Variants in CASZ1 observed in about 807,000 individuals in gnomAD.
CASZ1 encodes zinc finger protein castor homolog 1.
CASZ1 carries 28 observed loss-of-function variants against 135.2 expected under a neutral mutation model. The observed-to-expected ratio is 0.21, with a 90% CI of 0.15 to 0.28. The LOEUF (loss-of-function observed/expected upper bound fraction) is 0.28, where lower values mean the gene tolerates loss of function less well. Among genes scored for constraint, CASZ1 ranks in the 10% least tolerant of loss-of-function variants. The probability of loss-of-function intolerance (pLI) is 1.00; values close to 1 mark genes in which losing one functional copy is unlikely to be tolerated. For synonymous variants in CASZ1, 1,068 were observed against 1,073.4 expected, an observed-to-expected ratio of 0.99 and a Z score of 0.10; for missense variants, 2,161 against 2,453.3, an observed-to-expected ratio of 0.88 and a Z score of 2.52.
intron 1 of CASZ1, among the ~76,000 whole-genome samples, chr1:10,775,180 C>T (rs1274282328): frequency 6.6e-6 from 1 of 152,194 alleles, no homozygotes; most frequent in Admixed American, 6.5e-5. Context: ...GCCCCCAGTG[C>T]ATCGCTTTGG....
chr1:10,736,688 G>A (rs886092699), intron 2 of CASZ1, among the ~76,000 whole-genome samples: 2 of 152,160 alleles, frequency 1.3e-5, no homozygotes, highest in Admixed American at 6.5e-5. Flanking sequence ...AGGATGTGTC[G>A]GGCACCATGC....
chr1:10,729,974 C>A (rs111988841), intron 2 of CASZ1, among the ~76,000 whole-genome samples: 7 of 152,176 alleles, frequency 4.6e-5, no homozygotes, highest in African/African-American at 1.4e-4. Context: ...GCCACCACAA[C>A]TGGCTAATTT....
chr1:10,769,745 G>A (rs1018056763), intron 1 of CASZ1, among the ~76,000 whole-genome samples: 7 of 152,206 alleles, frequency 4.6e-5, no homozygotes, highest in African/African-American at 1.7e-4. Context: ...TCAAACTCCT[G>A]ACCTCAAGTG....
chr1:10,745,385 G>A (rs768757840), intron 2 of CASZ1, among the ~76,000 whole-genome samples: 3 of 121,488 alleles, frequency 2.5e-5, no homozygotes, highest in Non-Finnish European at 4.9e-5. Context: ...GTAAGCCACA[G>A]TACCAGGGAC....
At position 10,747,973 on chromosome 1, in the gene CASZ1, C is replaced by G. The variant is rs570277596; in HGVS notation, c.-77+12728G>C. 6.6e-6 allele frequency among the ~76,000 whole-genome samples: 1 copy of G among 152,310 alleles called. No homozygotes were observed. Among genetic ancestry groups the G allele is most frequent in the South Asian group, 2.1e-4 (1 of 4,820 alleles). ...CTGGGACTAGAGGCACCCGCCACCACGCCCGGCTAAGTTTTTTGTATTTTT... is the reference window on the plus strand; with the variant it reads ...CTGGGACTAGAGGCACCCGCCACCAGGCCCGGCTAAGTTTTTTGTATTTTT... On this transcript the variant is annotated intron_variant, in intron 2 of 20. Coordinates refer to ENST00000377022, the MANE Select transcript of CASZ1 (RefSeq NM_001079843.3). The surrounding 1 kb of genome is among the most constrained non-coding windows in gnomAD (Gnocchi z 4.3).
At chr1:10,783,882 A>AC (rs1161188743) in intron 1 of CASZ1, among the ~76,000 whole-genome samples, 8 of 151,360 alleles carry the variant, frequency 5.3e-5, no homozygotes, top group South Asian at 2.1e-4. Flanking sequence ...AAAAAAAAAA[A>AC]AAAAAAAAAA....
Position 10,647,507 on chromosome 1 carries a change from C to T in CASZ1, c.3497+294G>A. 7.6e-7 allele frequency: 1 copy of T among 1,308,820 alleles called. No individual in the cohort carries two copies. Among genetic ancestry groups the T allele is most frequent in the Admixed American group, 3.4e-5 (1 of 29,612 alleles). 81.1% of individuals were successfully genotyped at this position (1,308,820 alleles called of 1,614,324 possible). On this transcript the variant is annotated intron_variant, in intron 16 of 20. Transcript: ENST00000377022. The surrounding 1 kb of genome is among the most constrained non-coding windows in gnomAD (Gnocchi z 4.9). ...AGGCTGGGAGTTGTCCTCTGAGGAC[C>T]ACCACGCCCAGTCCACCCCACCTGG...
intron 20 of CASZ1, chr1:10,641,984 G>T (rs2124666384): frequency 6.6e-6 from 1 of 152,638 alleles, no homozygotes; most frequent in Admixed American, 6.5e-5. Flanking sequence ...AGGGTGGGTT[G>T]GGGTGATGGA....
chr1:10,730,714 T>C (rs936145221), intron 2 of CASZ1, among the ~76,000 whole-genome samples: 1 of 152,238 alleles, frequency 6.6e-6, no homozygotes, highest in Non-Finnish European at 1.5e-5. Context: ...ATCAGACTTT[T>C]GGAAAACTTA....
chr1:10,680,552 C>T lies in CASZ1; in HGVS notation c.16+13322G>A, dbSNP rs532098378. On this transcript the variant is annotated intron_variant, in intron 4 of 20. Coordinates refer to ENST00000377022, the MANE Select transcript of CASZ1 (RefSeq NM_001079843.3). ...GGGTCTCAGGGGGTGCAGTGTTGCA[C>T]GCTCCAGCATTACTGTGTCACACTC... 3.3e-5 allele frequency among the ~76,000 whole-genome samples: 5 copies of T among 152,268 alleles called. No homozygotes were observed. In the South Asian group the frequency reaches 8.3e-4, roughly 25 times the overall value.
chr1:10,656,066 A>G (rs899489278), intron 8 of CASZ1, among the ~76,000 whole-genome samples: 4 of 152,222 alleles, frequency 2.6e-5, no homozygotes, highest in Non-Finnish European at 4.4e-5. Flanking sequence ...CATCCCCAGG[A>G]GCACAGATGA....
intron 6 of CASZ1, 129 bp downstream of exon 6, chr1:10,659,573 G>A (rs1242244099): frequency 1.4e-6 from 1 of 711,316 alleles, no homozygotes; most frequent in Non-Finnish European, 2.5e-6. Context: ...GCGCCTGGAT[G>A]CACAGTGGAT....
intron 12 of CASZ1, 48 bp from the exon 13 acceptor site, chr1:10,650,803 G>C: frequency 6.2e-7 from 1 of 1,604,332 alleles, no homozygotes; most frequent in Non-Finnish European, 8.5e-7. Flanking sequence ...CCGGGGCCTG[G>C]GCCCTGGGGC....
intron 17 of CASZ1, 92 bp from the exon 18 acceptor site, chr1:10,645,180 C>T: frequency 9.2e-7 from 1 of 1,083,526 alleles, no homozygotes; most frequent in Non-Finnish European, 1.4e-6. Context: ...GCCCTTGGCA[C>T]ATGTGTTCTT....
At chr1:10,754,745 G>A (rs926789301) in intron 2 of CASZ1, among the ~76,000 whole-genome samples, 5 of 152,298 alleles carry the variant, frequency 3.3e-5, no homozygotes, top group African/African-American at 9.6e-5. Context: ...GCTGCTGCCC[G>A]GGCCCAGCTC....
At chr1:10,771,176 C>G (rs1274120217) in intron 1 of CASZ1, among the ~76,000 whole-genome samples, 2 of 150,906 alleles carry the variant, frequency 1.3e-5, no homozygotes, top group Non-Finnish European at 2.9e-5. Context: ...GGGTGCGGGA[C>G]AGGGAGCAAC....
chr1:10,743,944 A>G lies in CASZ1; in HGVS notation c.-77+16757T>C, dbSNP rs1046919909. Among the ~76,000 whole-genome samples, 6 of 151,584 alleles carry G rather than the reference A, an allele frequency of 4.0e-5. No individual in the cohort carries two copies. In the East Asian group the frequency reaches 7.7e-4, roughly 19 times the overall value. Reference sequence around the variant, plus strand: ...AGGGTTCTGACCTTCTGTGAAGGATATAAAAAATCCAGCCGCCTCAGGGGA... The same window carrying G: ...AGGGTTCTGACCTTCTGTGAAGGATGTAAAAAATCCAGCCGCCTCAGGGGA... On this transcript the variant is annotated intron_variant, in intron 2 of 20. Transcript: ENST00000377022.
At chr1:10,644,475 A>G (rs1169299034) in intron 18 of CASZ1, among the ~76,000 whole-genome samples, 3 of 152,204 alleles carry the variant, frequency 2.0e-5, no homozygotes, top group Admixed American at 1.3e-4. Flanking sequence ...CCCTCCATAA[A>G]TAACTGCAGA....
Position 10,720,300 on chromosome 1 carries a change from T to A in CASZ1, c.-76-14756A>T, listed in dbSNP as rs988631827. 4.6e-5 allele frequency among the ~76,000 whole-genome samples: 7 copies of A among 152,380 alleles called. No individual in the cohort carries two copies. The highest frequency in any genetic ancestry group is 2.1e-4 in the South Asian group (1 of 4,832). ...AATGTGGTGCCAGTCATCATTGTGA[T>A]CATTGTCATCATCATCGCCATCGCT... is the stretch of plus-strand genomic sequence containing the variant. On this transcript the variant is annotated intron_variant, in intron 2 of 20. Coordinates refer to ENST00000377022, the MANE Select transcript of CASZ1 (RefSeq NM_001079843.3). The surrounding 1 kb of genome is among the most constrained non-coding windows in gnomAD (Gnocchi z 5.7).
Sources: gnomAD v4.1 joint callset for allele counts (sites outside exome capture counted in the v4.1 genomes callset) on GRCh38, gnomAD v4.1.1 for gene constraint, Gnocchi (gnomAD v3.1) non-coding constraint, MANE v1.5 for transcripts, NCBI Gene and HGNC (gene_info 2026-07-23, HGNC 2026-07-21) for gene names.